Variants in TES observed in about 807,000 individuals in gnomAD.
TES encodes testin.
TES carries 41 observed loss-of-function variants against 48.2 expected under a neutral mutation model. That is an observed-to-expected ratio of 0.85 (90% confidence interval 0.66 to 1.10). TES has a LOEUF of 1.10. TES is among the 50% of genes least tolerant of loss of function. The probability of loss-of-function intolerance (pLI) is 0.00; values close to 1 mark genes in which losing one functional copy is unlikely to be tolerated. For synonymous variants in TES, 162 were observed against 174.9 expected, an observed-to-expected ratio of 0.93 and a Z score of 0.58; for missense variants, 463 against 515.1, an observed-to-expected ratio of 0.90 and a Z score of 0.98.
chr7:116,215,490 A>G (rs554398615), intron 1 of TES, among the ~76,000 whole-genome samples: 1 of 152,296 alleles, frequency 6.6e-6, no homozygotes, highest in Admixed American at 6.5e-5. Flanking sequence ...GGCAAAGTAT[A>G]CGAAAAGTAA....
At chr7:116,216,077 A>T (rs150825423) in intron 1 of TES, among the ~76,000 whole-genome samples, 32 of 152,286 alleles carry the variant, frequency 2.1e-4, no homozygotes, top group African/African-American at 7.5e-4. Flanking sequence ...GATCAACATC[A>T]TAGACCATCA....
chr7:116,250,411 T>G lies in TES; in HGVS notation c.617T>G (p.Met206Arg). ...CEMDAQGPKQ[M>R]NIPGGDRSTP... ...ATGGATGCCCAAGGCCCCAAACAAA[T>G]GAACATTCCTGGAGGGGATAGAAGC... The change falls in exon 4 of 7, where the codon ATG becomes AGG. Residue 206 changes from methionine (M) to arginine (R), a missense_variant. Met to Arg is a moderately conservative substitution (Grantham distance 91, BLOSUM62 -1). Coordinates refer to ENST00000358204, the MANE Select transcript of TES (RefSeq NM_015641.4). The G allele has an allele frequency of 6.2e-7, 1 of 1,613,018 alleles. No individual in the cohort carries two copies. Among genetic ancestry groups the G allele is most frequent in the Non-Finnish European group, 8.5e-7 (1 of 1,179,504 alleles).
rs921162775 is a variant in TES, at chr7:116,258,549, G to A, written c.*1067G>A. 1 of 143,234 alleles carries A rather than the reference G, an allele frequency of 7.0e-6. No individual in the cohort carries two copies. The highest frequency in any genetic ancestry group is 1.5e-5 in the Non-Finnish European group (1 of 65,942). 8.9% of individuals were successfully genotyped at this position (143,234 alleles called of 1,614,324 possible). On this transcript the variant is annotated 3_prime_UTR_variant, in exon 7 of 7. Coordinates refer to ENST00000358204, the MANE Select transcript of TES (RefSeq NM_015641.4). The stretch of plus-strand genomic sequence containing the variant: ...TATATTGATTGCACTTGCCTGCCAT[G>A]ATTTAGATAAGATTTTTTTTGCATG...
chr7:116,241,758 C>T (rs1799851929), intron 2 of TES, among the ~76,000 whole-genome samples: 1 of 152,054 alleles, frequency 6.6e-6, no homozygotes, highest in Non-Finnish European at 1.5e-5. Context: ...CACTTATTAA[C>T]AAAGGTATGT....
At chr7:116,253,440 T>G (rs1447758886) in intron 6 of TES, among the ~76,000 whole-genome samples, 1 of 152,190 alleles carries the variant, frequency 6.6e-6, no homozygotes, top group African/African-American at 2.4e-5. Context: ...TGTTGTTATT[T>G]TGACTATTGC....
intron 2 of TES, among the ~76,000 whole-genome samples, chr7:116,240,518 C>CAT: frequency 6.6e-6 from 1 of 151,960 alleles, no homozygotes; most frequent in Non-Finnish European, 1.5e-5. Context: ...TTAATGTTTG[C>CAT]ATATATATGT....
intron 1 of TES, among the ~76,000 whole-genome samples, chr7:116,223,534 A>G (rs899122045): frequency 6.6e-6 from 1 of 152,154 alleles, no homozygotes; most frequent in Non-Finnish European, 1.5e-5. Flanking sequence ...TGTCTTCTGT[A>G]ACACAAGTGT....
At position 116,249,238 on chromosome 7, in the gene TES, A is replaced by G. The variant is rs775575476; in HGVS notation, c.332A>G (p.Tyr111Cys). The G allele has an allele frequency of 1.5e-5, 25 of 1,613,954 alleles. No individual in the cohort carries two copies. The highest frequency in any genetic ancestry group is 1.0e-4 in the Admixed American group (6 of 60,012). Residue 111 changes from tyrosine (Y) to cysteine (C), a missense_variant, in exon 3 of 7, where the codon TAT (tyrosine) becomes TGT (cysteine). Tyr to Cys is a radical substitution (Grantham distance 194, BLOSUM62 -2). Coordinates refer to ENST00000358204, the MANE Select transcript of TES (RefSeq NM_015641.4). Reference sequence around the variant, plus strand: ...AATGTCTCCATCAATACAGTTACCTATGAGTGGGCTCCTCCTGTCCAGAAT... The same window carrying G: ...AATGTCTCCATCAATACAGTTACCTGTGAGTGGGCTCCTCCTGTCCAGAAT... ...KKNVSINTVTYEWAPPVQNQA... is the reference protein window; with the variant it reads ...KKNVSINTVTCEWAPPVQNQA...
intron 2 of TES, among the ~76,000 whole-genome samples, chr7:116,246,404 T>C (rs1034347899): frequency 4.6e-5 from 7 of 152,242 alleles, no homozygotes; most frequent in African/African-American, 1.7e-4. Context: ...ATGGCAGATA[T>C]TGTGATATTT....
intron 4 of TES, among the ~76,000 whole-genome samples, chr7:116,250,948 T>A (rs929273720): frequency 2.6e-5 from 4 of 152,206 alleles, no homozygotes; most frequent in Non-Finnish European, 4.4e-5. Flanking sequence ...AGCTTTTTTT[T>A]AAGTCTCTTC....
intron 1 of TES, among the ~76,000 whole-genome samples, chr7:116,226,825 C>T (rs773021539): frequency 2.0e-5 from 3 of 152,150 alleles, no homozygotes; most frequent in Non-Finnish European, 4.4e-5. Context: ...CTCTGGGCCC[C>T]AGGTTGGGTG....
At chr7:116,248,201 C>G (rs528891774) in intron 2 of TES, among the ~76,000 whole-genome samples, 3 of 152,014 alleles carry the variant, frequency 2.0e-5, no homozygotes, top group Non-Finnish European at 4.4e-5. Context: ...TCCACATTTT[C>G]TTTATCCAGT....
In TES at chr7:116,257,290, A is replaced by G. The variant is rs1198404468; in HGVS notation, c.1078-4A>G. 1 of 1,602,412 alleles carries G rather than the reference A, an allele frequency of 6.2e-7. No homozygotes were observed. On this transcript the variant is annotated splice_polypyrimidine_tract_variant and splice_region_variant and intron_variant, in intron 6 of 6. Coordinates refer to ENST00000358204, the MANE Select transcript of TES (RefSeq NM_015641.4). ...CCCTCTTCTCTTGTATTATTTCTTAATAGGTGTGTCAAGGATGCCACAATG... is the reference window on the plus strand; with the variant it reads ...CCCTCTTCTCTTGTATTATTTCTTAGTAGGTGTGTCAAGGATGCCACAATG...
At chr7:116,225,637 T>A (rs956558525) in intron 1 of TES, among the ~76,000 whole-genome samples, 1 of 152,212 alleles carries the variant, frequency 6.6e-6, no homozygotes, top group African/African-American at 2.4e-5. Flanking sequence ...GGCTTCTGGC[T>A]TTATACATCT....
chr7:116,249,656 T>A (rs1799975543), intron 3 of TES: 2 of 180,606 alleles, frequency 1.1e-5, no homozygotes, highest in African/African-American at 4.7e-5. Context: ...TCTTTGTGTT[T>A]TTTTCATTTC....
chr7:116,257,339 G>A lies in TES; in HGVS notation c.1123G>A (p.Val375Met), dbSNP rs202205760. 19 of 1,613,876 alleles carry A rather than the reference G, an allele frequency of 1.2e-5. No homozygotes were observed. Among genetic ancestry groups the A allele is most frequent in the South Asian group, 1.1e-4 (10 of 91,048 alleles). The stretch of plus-strand genomic sequence containing the variant: ...TGCCATCGACCCAGAAGTGCAGCGG[G>A]TGACCTATAACAATTTCAGCTGGCA... ...HNAIDPEVQR[V>M]TYNNFSWHAS... is the part of the protein sequence containing the mutation. The change falls in exon 7 of 7, where the codon GTG becomes ATG. Residue 375 changes from valine to methionine, a missense_variant. Transcript: ENST00000358204.
intron 1 of TES, among the ~76,000 whole-genome samples, chr7:116,229,346 C>T (rs958677207): frequency 6.6e-6 from 1 of 152,028 alleles, no homozygotes; most frequent in Non-Finnish European, 1.5e-5. Flanking sequence ...AGCCTTGGCT[C>T]TTCAGGAAAG....
chr7:116,248,446 A>T (rs760721050), intron 2 of TES, among the ~76,000 whole-genome samples: 1 of 152,202 alleles, frequency 6.6e-6, no homozygotes, highest in African/African-American at 2.4e-5. Flanking sequence ...TCTCCGCAAC[A>T]TCTGTTATTT....
At chr7:116,251,042 C>T (rs563362321) in intron 4 of TES, among the ~76,000 whole-genome samples, 7 of 152,018 alleles carry the variant, frequency 4.6e-5, no homozygotes, top group Non-Finnish European at 1.0e-4. Flanking sequence ...AAGAACTAAA[C>T]CTGCTGTAAT....
Sources: allele counts gnomAD v4.1 joint callset (sites outside exome capture counted in the v4.1 genomes callset), GRCh38; gene constraint gnomAD v4.1.1; transcripts MANE v1.5; gene names NCBI Gene and HGNC (gene_info 2026-07-23, HGNC 2026-07-21).